The following CNKSR2 variants were observed in gnomAD, a reference collection of about 807,000 sequenced individuals.
CNKSR2 encodes the protein connector enhancer of kinase suppressor of Ras 2, also known as CNK homolog protein 2.
A neutral mutation model predicts 84.4 loss-of-function variants in CNKSR2; 14 were observed. The observed-to-expected ratio is 0.17, with a 90% CI of 0.11 to 0.26. CNKSR2 has a LOEUF of 0.26. Ranked by LOEUF, CNKSR2 falls within the 10% of genes least tolerant of loss-of-function variation. CNKSR2 has a pLI of 1.00. For synonymous variants in CNKSR2, 275 were observed against 277.9 expected (o/e 0.99, Z 0.10); for missense variants, 485 against 771.2 (o/e 0.63, Z 4.40).
intron 4 of CNKSR2, among the ~76,000 whole-genome samples, chrX:21,443,933 A>G (rs1487099223): frequency 1.8e-5 from 2 of 111,719 alleles, no homozygotes; most frequent in East Asian, 5.6e-4. Flanking sequence ...TAAATACAGA[A>G]AATAAAAGTA....
chrX:21,392,674 C>T (rs769054751), intron 1 of CNKSR2, among the ~76,000 whole-genome samples: 2 of 111,405 alleles, frequency 1.8e-5, no homozygotes, highest in Non-Finnish European at 3.8e-5. Flanking sequence ...GGACAGAAAT[C>T]CAAACCATAC....
chrX:21,602,415 A>C (rs905749301), intron 18 of CNKSR2, among the ~76,000 whole-genome samples: 3 of 112,031 alleles, frequency 2.7e-5, no homozygotes, highest in African/African-American at 9.7e-5. Context: ...CCGATCTCCC[A>C]AAATGCTGGG....
intron 6 of CNKSR2, chrX:21,495,368 A>G (rs888293258): frequency 1.8e-5 from 2 of 112,058 alleles, no homozygotes; most frequent in Non-Finnish European, 3.8e-5. Flanking sequence ...GCACATTGTA[A>G]CAAGTAGATA....
At chrX:21,386,893 C>T (rs2089977693) in intron 1 of CNKSR2, among the ~76,000 whole-genome samples, 1 of 111,822 alleles carries the variant, frequency 8.9e-6, no homozygotes, top group Non-Finnish European at 1.9e-5. Context: ...TGTAAAGCAC[C>T]TTTTTCTCCT....
chrX:21,426,413 T>A, intron 1 of CNKSR2, 84 bp from the exon 2 acceptor site: 1 of 912,171 alleles, frequency 1.1e-6, no homozygotes, highest in South Asian at 2.2e-5. Flanking sequence ...CATGGTAGCA[T>A]TAATGCTTGC....
At chrX:21,422,902 G>A (rs2090517533) in intron 1 of CNKSR2, among the ~76,000 whole-genome samples, 1 of 109,742 alleles carries the variant, frequency 9.1e-6, no homozygotes, top group African/African-American at 3.3e-5. Flanking sequence ...CGAGAAACTG[G>A]CTTGCTGTTA....
chrX:21,566,242 A>G (rs977835429), intron 13 of CNKSR2, among the ~76,000 whole-genome samples: 1 of 112,263 alleles, frequency 8.9e-6, no homozygotes, highest in Non-Finnish European at 1.9e-5. Context: ...CTGTTATAAA[A>G]CACAAATAGT....
chrX:21,395,156 A>G (rs2090104305), intron 1 of CNKSR2, among the ~76,000 whole-genome samples: 1 of 111,591 alleles, frequency 9.0e-6, no homozygotes, highest in South Asian at 3.7e-4. Flanking sequence ...TAGGTTTTAC[A>G]TTTTGGTCTG....
chrX:21,511,747 T>C (rs1035910277), intron 8 of CNKSR2, among the ~76,000 whole-genome samples: 4 of 111,734 alleles, frequency 3.6e-5, no homozygotes, highest in African/African-American at 1.3e-4. Flanking sequence ...CTTATAATCA[T>C]CTGAACTCTG....
At chrX:21,450,791 C>T (rs914499864) in intron 4 of CNKSR2, among the ~76,000 whole-genome samples, 1 of 111,521 alleles carries the variant, frequency 9.0e-6, no homozygotes, top group Non-Finnish European at 1.9e-5. Context: ...GAGAGACTTT[C>T]TATTACAAAG....
At chrX:21,502,064 A>G (rs990460343) in intron 8 of CNKSR2, among the ~76,000 whole-genome samples, 10 of 106,553 alleles carry the variant, frequency 9.4e-5, no homozygotes, top group African/African-American at 3.0e-4. Flanking sequence ...TAGATCTTTG[A>G]AAATTTTAAA....
intron 1 of CNKSR2, among the ~76,000 whole-genome samples, chrX:21,386,574 A>C (rs761931874): frequency 8.9e-6 from 1 of 112,327 alleles, no homozygotes; most frequent in Admixed American, 9.4e-5. Context: ...TGTTTTAAAA[A>C]TATGTATTCT....
intron 4 of CNKSR2, 118 bp downstream of exon 4, chrX:21,440,899 A>C: frequency 2.5e-6 from 1 of 399,731 alleles, no homozygotes; most frequent in Non-Finnish European, 4.3e-6. Flanking sequence ...TCTCAAAGAC[A>C]AACCATTCTA....
chrX:21,591,417 AAAG>A, intron 15 of CNKSR2: 1 of 240,467 alleles, frequency 4.2e-6, no homozygotes, highest in Non-Finnish European at 7.5e-6. Flanking sequence ...AAACACAGAT[AAAG>A]TGTAGTAAAA....
intron 3 of CNKSR2, among the ~76,000 whole-genome samples, chrX:21,435,678 T>A (rs886658707): frequency 1.8e-5 from 2 of 111,983 alleles, no homozygotes; most frequent in Non-Finnish European, 3.8e-5. Flanking sequence ...CACCTCATAT[T>A]TCTTGCAGTT....
At chrX:21,636,432 A>G (rs2092672725) in intron 20 of CNKSR2, among the ~76,000 whole-genome samples, 1 of 111,280 alleles carries the variant, frequency 9.0e-6, no homozygotes, top group Admixed American at 9.6e-5. Flanking sequence ...AAGTTTAAGG[A>G]GATTATTTTA....
At chrX:21,563,585 G>C (rs2092212080) in intron 13 of CNKSR2, 133 bp downstream of exon 13, 1 of 463,547 alleles carries the variant, frequency 2.2e-6, no homozygotes, top group African/African-American at 2.5e-5. Context: ...TAAAGTTTAT[G>C]CCCTTAAAAA....
At chrX:21,644,001 A>C (rs2092699403) in intron 20 of CNKSR2, 1 of 112,098 alleles carries the variant, frequency 8.9e-6, no homozygotes, top group Non-Finnish European at 1.9e-5. Flanking sequence ...GTCACCTTAC[A>C]TATAAATAAA....
Position 21,653,481 on chromosome X carries a change from TTAAACTTAGG to T in CNKSR2, c.*964_*973del, listed in dbSNP as rs1348695023. 2.7e-5 allele frequency: 3 copies of T among 110,597 alleles called. No homozygotes were observed. The highest frequency in any genetic ancestry group is 5.7e-5 in the Non-Finnish European group (3 of 52,969). 9.1% of individuals were successfully genotyped at this position (110,597 alleles called of 1,213,427 possible). On this transcript the variant is annotated 3_prime_UTR_variant, in exon 22 of 22. Transcript: ENST00000379510. ...TTCCAATTTTCCCCTAGTCCACTAATTAAACTTAGGTAATTATACTTCAGGTAGGGAAGTA... is the reference window on the plus strand; with the variant it reads ...TTCCAATTTTCCCCTAGTCCACTAATTAATTATACTTCAGGTAGGGAAGTA...
Sources: gnomAD v4.1 joint callset for allele counts (sites outside exome capture counted in the v4.1 genomes callset) on GRCh38, gnomAD v4.1.1 for gene constraint, MANE v1.5 for transcripts, NCBI Gene and HGNC (gene_info 2026-07-23, HGNC 2026-07-21) for gene names.